The following DNAH3 variants were observed in gnomAD, a reference collection of about 807,000 sequenced individuals.
DNAH3 encodes axonemal beta dynein heavy chain 3.
DNAH3 carries 332 observed loss-of-function variants against 432.5 expected under a neutral mutation model. The observed-to-expected ratio is 0.77, with a 90% confidence interval of 0.70 to 0.84. DNAH3 has a LOEUF of 0.84. Ranked by LOEUF, DNAH3 falls within the 40% of genes least tolerant of loss-of-function variation. DNAH3 has a pLI of 0.00. For missense variants in DNAH3, 4,861 were observed against 5,114.0 expected (o/e 0.95, Z 1.51); for synonymous variants, 1,956 against 1,900.2 (o/e 1.03, Z -0.76).
chr16:20,963,006 C>G (rs2084892968), intron 53 of DNAH3, among the ~76,000 whole-genome samples: 1 of 151,296 alleles, frequency 6.6e-6, no homozygotes, highest in Non-Finnish European at 1.5e-5. Flanking sequence ...TATCAAGATA[C>G]AAAAGTGGGA....
intron 7 of DNAH3, among the ~76,000 whole-genome samples, chr16:21,128,671 G>A (rs1000866755): frequency 1.4e-5 from 2 of 146,336 alleles, no homozygotes; most frequent in African/African-American, 2.6e-5. Flanking sequence ...TCCAGCCTGG[G>A]GGACAGAGCG....
chr16:20,981,765 T>G (rs2085910048), intron 49 of DNAH3, among the ~76,000 whole-genome samples: 1 of 151,708 alleles, frequency 6.6e-6, no homozygotes, highest in Non-Finnish European at 1.5e-5. Context: ...AAATAAACAA[T>G]GATTGAACCT....
intron 48 of DNAH3, among the ~76,000 whole-genome samples, 189 bp from the exon 49 acceptor site, chr16:20,983,075 C>T (rs570506286): frequency 1.1e-4 from 16 of 152,132 alleles, no homozygotes; most frequent in African/African-American, 3.6e-4. Context: ...GATATTTTCA[C>T]TTAACTTTGT....
At chr16:21,128,406 C>CA (rs1340025584) in intron 7 of DNAH3, among the ~76,000 whole-genome samples, 1 of 151,282 alleles carries the variant, frequency 6.6e-6, no homozygotes, top group Non-Finnish European at 1.5e-5. Flanking sequence ...CAAAACAAAA[C>CA]AAAAAAGGCC....
In DNAH3 at chr16:21,128,274, T is replaced by A. The variant is rs574154196; in HGVS notation, c.1083-462A>T. On this transcript the variant is annotated intron_variant, in intron 7 of 61. Transcript: ENST00000261383. ...AAGGTAACTTTGAGGACTGCTTTGA[T>A]TTAAAACAAAGAGTTTATGGATCCC... Among the ~76,000 whole-genome samples the A allele has an allele frequency of 2.6e-5, 4 of 152,214 alleles. No individual in the cohort carries two copies. In the South Asian group the frequency reaches 8.3e-4, roughly 32 times the overall value.
intron 1 of DNAH3, among the ~76,000 whole-genome samples, chr16:21,149,068 T>C (rs2092821602): frequency 6.6e-6 from 1 of 151,940 alleles, no homozygotes. Flanking sequence ...CCGTCTCTAC[T>C]AAAAATACAA....
exon 53 of DNAH3, chr16:20,964,388 T>C: frequency 6.2e-7 from 1 of 1,614,188 alleles, no homozygotes; most frequent in African/African-American, 1.3e-5. Flanking sequence ...TTAAAATCCC[T>C]GGAATATTCA....
chr16:21,139,702 A>C (rs995617570), intron 5 of DNAH3, among the ~76,000 whole-genome samples: 1 of 151,334 alleles, frequency 6.6e-6, no homozygotes, highest in Non-Finnish European at 1.5e-5. Flanking sequence ...TCCTGGGCTC[A>C]AGTGATCCTC....
intron 28 of DNAH3, among the ~76,000 whole-genome samples, chr16:21,053,849 TTCC>T (rs1199899303): frequency 6.6e-6 from 1 of 151,642 alleles, no homozygotes; most frequent in Non-Finnish European, 1.5e-5. Flanking sequence ...CCTCCTCCTC[TTCC>T]TCCTCCTCTT....
exon 58 of DNAH3, chr16:20,944,636 G>A (rs2083962732): frequency 6.2e-7 from 1 of 1,614,038 alleles, no homozygotes; most frequent in Admixed American, 1.7e-5. Context: ...GCTGTGATGG[G>A]GAGATTCCTG....
rs556415284 is a variant in DNAH3 at position 20,990,008 on chromosome 16, C to T, written c.6602-1943G>A. ...CAAGCGCCGCGCGCAGCCCCGGTTCCCACTCGCGCCTCTCCCTCCACACCT... is the reference window on the plus strand; with the variant it reads ...CAAGCGCCGCGCGCAGCCCCGGTTCTCACTCGCGCCTCTCCCTCCACACCT... On this transcript the variant is annotated intron_variant, in intron 44 of 61. Transcript: ENST00000261383. Among the ~76,000 whole-genome samples, 661 of 152,358 alleles carry T rather than the reference C, an allele frequency of 4.3e-3. 3 individuals carry two copies. Among genetic ancestry groups the T allele is most frequent in the African/African-American group, 0.015 (618 of 41,592 alleles).
intron 18 of DNAH3, among the ~76,000 whole-genome samples, chr16:21,095,816 G>A (rs1458580162): frequency 2.6e-5 from 4 of 152,120 alleles, no homozygotes; most frequent in African/African-American, 9.7e-5. Context: ...CCAGGTTGGA[G>A]TGCAGTAGTG....
At chr16:20,941,004 G>A (rs1289206659) in intron 59 of DNAH3, among the ~76,000 whole-genome samples, 6 of 152,186 alleles carry the variant, frequency 3.9e-5, no homozygotes, top group African/African-American at 1.4e-4. Context: ...GGAGGCTGAG[G>A]TGGGAGGACT....
intron 37 of DNAH3, among the ~76,000 whole-genome samples, chr16:21,030,831 T>G (rs1877628047): frequency 6.6e-6 from 1 of 152,134 alleles, no homozygotes; most frequent in African/African-American, 2.4e-5. Flanking sequence ...TTCAACGTGG[T>G]CTCTAAACAT....
chr16:21,010,688 C>T (rs1247230086), intron 41 of DNAH3, among the ~76,000 whole-genome samples: 2 of 151,980 alleles, frequency 1.3e-5, no homozygotes, highest in Non-Finnish European at 2.9e-5. Context: ...CTGGAGCACT[C>T]GGCATTAGAA....
At chr16:21,155,621 CA>C (rs369001374) in intron 1 of DNAH3, among the ~76,000 whole-genome samples, 12,526 of 76,442 alleles carry the variant, frequency 0.16, 379 homozygotes, top group South Asian at 0.27. Flanking sequence ...GACTCCGTCT[CA>C]AAAAAAAAAA....
intron 40 of DNAH3, among the ~76,000 whole-genome samples, 153 bp from the exon 41 acceptor site, chr16:21,020,022 A>AT (rs140295740): frequency 0.13 from 17,825 of 138,430 alleles, 1,421 homozygotes; most frequent in African/African-American, 0.22. Flanking sequence ...TTTCACATGC[A>AT]TTTTTTTTTT....
At chr16:21,091,249 T>C (rs2091526259) in intron 18 of DNAH3, among the ~76,000 whole-genome samples, 1 of 151,810 alleles carries the variant, frequency 6.6e-6, no homozygotes, top group East Asian at 1.9e-4. Flanking sequence ...TTGGTGAGGG[T>C]GTGGATATGT....
chr16:21,108,597 G>C (rs1253025542), intron 14 of DNAH3, among the ~76,000 whole-genome samples: 1 of 152,092 alleles, frequency 6.6e-6, no homozygotes, highest in East Asian at 1.9e-4. Context: ...GCAAAAATTA[G>C]CCAGGTGTAT....
Sources: allele counts gnomAD v4.1 joint callset (sites outside exome capture counted in the v4.1 genomes callset), GRCh38; gene constraint gnomAD v4.1.1; transcripts MANE v1.5; gene names NCBI Gene and HGNC (gene_info 2026-07-23, HGNC 2026-07-21).